DPP10: variants seen among roughly 807,000 people sequenced by gnomAD.
DPP10 encodes dipeptidyl peptidase like 10, also known as inactive dipeptidyl peptidase 10.
In DPP10, 33 loss-of-function variants were observed where a neutral mutation model predicts 120.9. The ratio of observed to expected loss-of-function variants is 0.27; its 90% CI spans 0.21 to 0.37. DPP10 has a LOEUF of 0.37. Among genes scored for constraint, DPP10 ranks in the 10% least tolerant of loss-of-function variants. The pLI is 1.00. For synonymous variants in DPP10, 337 were observed against 326.1 expected (o/e 1.03, Z -0.36); for missense variants, 816 against 942.8 (o/e 0.87, Z 1.76).
chr2:115,072,576 T>C (rs1442209711), intron 1 of DPP10, among the ~76,000 whole-genome samples: 1 of 152,176 alleles, frequency 6.6e-6, no homozygotes, highest in East Asian at 1.9e-4. Context: ...ATTAACACTT[T>C]GCTTAAGTGT....
intron 1 of DPP10, among the ~76,000 whole-genome samples, chr2:115,224,707 ATATAAT>A (rs918011277): frequency 5.3e-5 from 8 of 152,198 alleles, no homozygotes; most frequent in Non-Finnish European, 8.8e-5. Context: ...ATGTGAGATA[ATATAAT>A]TGTAATTTGT....
chr2:115,168,629 T>C (rs2053083593), intron 1 of DPP10, among the ~76,000 whole-genome samples: 1 of 152,148 alleles, frequency 6.6e-6, no homozygotes, highest in Non-Finnish European at 1.5e-5. Flanking sequence ...CTAAGGCTTT[T>C]AAAATTAGCA....
chr2:115,378,594 A>G lies in DPP10; in HGVS notation c.271+34682A>G, dbSNP rs1345979277. 1.3e-4 allele frequency among the ~76,000 whole-genome samples: 20 copies of G among 150,300 alleles called. No homozygotes were observed. In the East Asian group the frequency reaches 3.5e-3, roughly 26 times the overall value. ...GCCAGAACTTCCAACACTATGTTGA[A>G]TAGGAGTGGTGAGAGAGGACATCCC... On this transcript the variant is annotated intron_variant, in intron 3 of 25. Transcript: ENST00000410059.
intron 1 of DPP10, among the ~76,000 whole-genome samples, chr2:114,505,439 C>G (rs996380128): frequency 6.6e-6 from 1 of 151,098 alleles, no homozygotes; most frequent in East Asian, 1.9e-4. Context: ...GGGAGAGCAC[C>G]TTTCTCAAAT....
chr2:115,387,457 T>C (rs1381388677), intron 3 of DPP10, among the ~76,000 whole-genome samples: 7 of 152,216 alleles, frequency 4.6e-5, no homozygotes, highest in Non-Finnish European at 1.5e-5. Flanking sequence ...AACCAAACTA[T>C]TATTATCATA....
chr2:114,933,512 A>G (rs890444610), intron 1 of DPP10, among the ~76,000 whole-genome samples: 12 of 152,228 alleles, frequency 7.9e-5, no homozygotes, highest in Admixed American at 3.9e-4. Flanking sequence ...ATATTTCAGC[A>G]GGCAAAAGAA....
At position 115,215,595 on chromosome 2, in the gene DPP10, G is replaced by A. The variant is rs532456435; in HGVS notation, c.61-93644G>A. Among the ~76,000 whole-genome samples, 208 of 151,670 alleles carry A rather than the reference G, an allele frequency of 1.4e-3. 2 individuals are homozygous for A. Among genetic ancestry groups the A allele is most frequent in the African/African-American group, 4.8e-3 (200 of 41,344 alleles). ...ATTAATGCAACCCCTATTGAAAACA[G>A]TATGGAGAAAAATTACAGAAGTGGG... On this transcript the variant is annotated intron_variant, in intron 1 of 25. Transcript: ENST00000410059.
chr2:115,442,096 G>A (rs2072122319), intron 3 of DPP10, among the ~76,000 whole-genome samples: 1 of 152,024 alleles, frequency 6.6e-6, no homozygotes, highest in South Asian at 2.1e-4. Context: ...ACAGACATGA[G>A]CCACTGCATC....
intron 1 of DPP10, among the ~76,000 whole-genome samples, chr2:115,073,810 G>A (rs1269851815): frequency 1.3e-5 from 2 of 152,172 alleles, no homozygotes; most frequent in Non-Finnish European, 2.9e-5. Context: ...GTGTAGGATT[G>A]AACACACAGG....
intron 1 of DPP10, among the ~76,000 whole-genome samples, chr2:114,884,002 T>G (rs1257655035): frequency 6.6e-6 from 1 of 151,242 alleles, no homozygotes; most frequent in East Asian, 2.0e-4. Context: ...TTTTTGTCTT[T>G]TTTTGCAGTC....
At chr2:115,424,072 T>C (rs1230992119) in intron 3 of DPP10, among the ~76,000 whole-genome samples, 1 of 152,126 alleles carries the variant, frequency 6.6e-6, no homozygotes, top group Non-Finnish European at 1.5e-5. Flanking sequence ...GGACTCTATA[T>C]AACTTTCCTC....
chr2:115,506,729 T>A (rs1023898584), intron 4 of DPP10, among the ~76,000 whole-genome samples: 3 of 152,150 alleles, frequency 2.0e-5, no homozygotes, highest in African/African-American at 7.2e-5. Context: ...GATCTATCTA[T>A]GCAGATATTG....
intron 1 of DPP10, among the ~76,000 whole-genome samples, chr2:115,172,622 G>C (rs1289773496): frequency 6.6e-6 from 1 of 152,136 alleles, no homozygotes; most frequent in Non-Finnish European, 1.5e-5. Context: ...AACTTACCCA[G>C]CCTCTCTGTA....
rs143055769 is a variant in DPP10 at position 115,699,373 on chromosome 2, G to A, written c.576+9452G>A. Among the ~76,000 whole-genome samples the A allele has an allele frequency of 7.0e-3, 1,073 of 152,200 alleles. 15 individuals are homozygous for A. Among genetic ancestry groups the A allele is most frequent in the African/African-American group, 0.024 (1,014 of 41,526 alleles). On this transcript the variant is annotated intron_variant, in intron 7 of 25. Coordinates refer to ENST00000410059, the MANE Select transcript of DPP10 (RefSeq NM_020868.6). ...GAAAACCTAACACCAAGGCCAAGGC[G>A]GGCGGATCACCTGAGGTCAGGAGTT...
intron 1 of DPP10, among the ~76,000 whole-genome samples, chr2:114,968,176 G>A (rs192799351): frequency 6.6e-6 from 1 of 152,206 alleles, no homozygotes; most frequent in Non-Finnish European, 1.5e-5. Context: ...TTACACCTGT[G>A]CTCTCGTCTT....
chr2:115,843,039 A>AAAT lies in DPP10; in HGVS notation c.*695_*697dup, dbSNP rs1690305102. The AAAT allele has an allele frequency of 2.0e-5, 3 of 152,742 alleles. No individual in the cohort carries two copies. Among genetic ancestry groups the AAAT allele is most frequent in the African/African-American group, 7.2e-5 (3 of 41,574 alleles). The allele number at this position is 152,742 out of a possible 1,614,324, so 9.5% of individuals were successfully genotyped here. On this transcript the variant is annotated 3_prime_UTR_variant, in exon 26 of 26. Coordinates refer to ENST00000410059, the MANE Select transcript of DPP10 (RefSeq NM_020868.6). ...ATATACAGTTAATGAAACTATCTTTAAATGTTATTCATGCTATAAAGAGTA... is the reference window on the plus strand; with the variant it reads ...ATATACAGTTAATGAAACTATCTTTAAATAATGTTATTCATGCTATAAAGAGTA...
intron 2 of DPP10, among the ~76,000 whole-genome samples, chr2:115,331,088 C>T (rs2062700539): frequency 6.6e-6 from 1 of 151,912 alleles, no homozygotes; most frequent in Non-Finnish European, 1.5e-5. Flanking sequence ...TTTTTGTGTC[C>T]TCTTTTATTT....
intron 1 of DPP10, among the ~76,000 whole-genome samples, chr2:114,760,014 C>A (rs1406592154): frequency 6.6e-6 from 1 of 152,108 alleles, no homozygotes; most frequent in Non-Finnish European, 1.5e-5. Context: ...GTCAAGTCAC[C>A]CACTTCTCAC....
At chr2:114,978,688 C>A (rs894344578) in intron 1 of DPP10, among the ~76,000 whole-genome samples, 1 of 152,034 alleles carries the variant, frequency 6.6e-6, no homozygotes, top group African/African-American at 2.4e-5. Context: ...CTGTAGAAGA[C>A]CCTTTAAATA....
Sources: gnomAD v4.1 joint callset for allele counts (sites outside exome capture counted in the v4.1 genomes callset) on GRCh38, gnomAD v4.1.1 for gene constraint, MANE v1.5 for transcripts, NCBI Gene and HGNC (gene_info 2026-07-23, HGNC 2026-07-21) for gene names.